Variants in CELF2 observed in about 807,000 individuals in gnomAD.
CELF2 encodes CUG triplet repeat RNA-binding protein 2.
A neutral mutation model predicts 62.6 loss-of-function variants in CELF2; 8 were observed. That is an observed-to-expected ratio of 0.13 (90% CI 0.07 to 0.23). The LOEUF (loss-of-function observed/expected upper bound fraction) is 0.23, where lower values mean the gene tolerates loss of function less well. CELF2 is among the 10% of genes least tolerant of loss of function. The probability of loss-of-function intolerance (pLI) is 1.00; values close to 1 mark genes in which losing one functional copy is unlikely to be tolerated. For missense variants in CELF2, 333 were observed against 671.0 expected (o/e 0.50, Z 5.56); for synonymous variants, 258 against 250.0 (o/e 1.03, Z -0.30).
chr10:11,139,726 CT>C (rs2061000550), intron 1 of CELF2, among the ~76,000 whole-genome samples: 3 of 152,170 alleles, frequency 2.0e-5, no homozygotes, highest in African/African-American at 7.2e-5. Context: ...TACCTACCCC[CT>C]GCTATCTGAT....
the CELF2 span, among the ~76,000 whole-genome samples, chr10:10,587,776 A>G: frequency 2.0e-5 from 3 of 152,070 alleles, no homozygotes; most frequent in Non-Finnish European, 4.4e-5. Flanking sequence ...TCCCCTGGTA[A>G]TTTTACTACT....
intron 3 of CELF2, among the ~76,000 whole-genome samples, chr10:11,228,313 A>G (rs916340797): frequency 2.0e-5 from 3 of 152,214 alleles, no homozygotes; most frequent in African/African-American, 4.8e-5. Flanking sequence ...CAAGAACTTT[A>G]TATATACTTG....
chr10:11,221,051 T>C (rs185515804), intron 3 of CELF2, among the ~76,000 whole-genome samples: 1 of 152,258 alleles, frequency 6.6e-6, no homozygotes, highest in African/African-American at 2.4e-5. Context: ...CACACATCCT[T>C]GAGATGCCTA....
intron 2 of CELF2, among the ~76,000 whole-genome samples, chr10:10,941,958 C>T (rs540670340): frequency 6.9e-6 from 1 of 145,020 alleles, no homozygotes; most frequent in East Asian, 2.1e-4. Flanking sequence ...CACAGCACTT[C>T]ACTCCAGCCT....
At chr10:10,953,937 T>C (rs992461140) in intron 2 of CELF2, among the ~76,000 whole-genome samples, 1 of 151,416 alleles carries the variant, frequency 6.6e-6, no homozygotes, top group Admixed American at 6.6e-5. Context: ...AGTAGACAAA[T>C]AGAGAAAGAG....
intron 1 of CELF2, among the ~76,000 whole-genome samples, chr10:11,026,376 C>T (rs866020235): frequency 2.0e-5 from 3 of 152,188 alleles, no homozygotes; most frequent in Admixed American, 6.5e-5. Flanking sequence ...ACCTACCCGC[C>T]TCCCCCGCCA....
At chr10:10,897,559 C>A (rs2062649537) in intron 1 of CELF2, among the ~76,000 whole-genome samples, 2 of 152,056 alleles carry the variant, frequency 1.3e-5, no homozygotes, top group South Asian at 2.1e-4. Context: ...GACAATGTGG[C>A]CAAGGGTGTG....
intron 1 of CELF2, among the ~76,000 whole-genome samples, chr10:11,088,231 A>G (rs1297940117): frequency 1.3e-5 from 2 of 152,228 alleles, no homozygotes; most frequent in Non-Finnish European, 2.9e-5. Context: ...ATTTGTACCC[A>G]TGGCTATGAG....
intron 1 of CELF2, among the ~76,000 whole-genome samples, chr10:11,083,426 G>A (rs1032892568): frequency 2.5e-4 from 38 of 152,284 alleles, no homozygotes; most frequent in African/African-American, 8.7e-4. Flanking sequence ...CAACCGACTG[G>A]CCTAGGAGTA....
chr10:11,264,485 G>A (rs1001492733), intron 5 of CELF2, among the ~76,000 whole-genome samples: 6 of 152,202 alleles, frequency 3.9e-5, no homozygotes, highest in Admixed American at 1.3e-4. Context: ...CCCAGGCTCC[G>A]CTTGGTTTCA....
chr10:11,277,705 AT>A (rs1262204541), intron 8 of CELF2, among the ~76,000 whole-genome samples: 1 of 152,256 alleles, frequency 6.6e-6, no homozygotes, highest in African/African-American at 2.4e-5. Context: ...GTTGTTGAGG[AT>A]TTGGAGATAG....
the CELF2 span, among the ~76,000 whole-genome samples, chr10:10,592,533 C>T: frequency 6.6e-6 from 1 of 152,160 alleles, no homozygotes; most frequent in East Asian, 1.9e-4. Flanking sequence ...GCTTTGCTGG[C>T]TACTCACGAC....
intron 5 of CELF2, among the ~76,000 whole-genome samples, chr10:11,261,561 C>G (rs2080601661): frequency 1.3e-5 from 2 of 152,194 alleles, no homozygotes; most frequent in South Asian, 4.1e-4. Flanking sequence ...TGGAAAGCAC[C>G]TAACACCTGC....
chr10:10,670,675 T>C, the CELF2 span, among the ~76,000 whole-genome samples: 1 of 152,194 alleles, frequency 6.6e-6, no homozygotes, highest in Non-Finnish European at 1.5e-5. Context: ...GACACATGTA[T>C]AATGACATGT....
chr10:10,677,142 C>A, the CELF2 span, among the ~76,000 whole-genome samples: 2 of 152,270 alleles, frequency 1.3e-5, 1 homozygote, highest in Admixed American at 1.3e-4. Flanking sequence ...CAAGATTATT[C>A]TCTGGGGACA....
At chr10:10,711,485 A>G in the CELF2 span, among the ~76,000 whole-genome samples, 1 of 152,142 alleles carries the variant, frequency 6.6e-6, no homozygotes, top group East Asian at 1.9e-4. Context: ...CCAGTCTCCA[A>G]AGTCCATTCC....
At chr10:11,279,162 C>T (rs2087295448) in intron 8 of CELF2, among the ~76,000 whole-genome samples, 1 of 152,176 alleles carries the variant, frequency 6.6e-6, no homozygotes, top group African/African-American at 2.4e-5. Context: ...TCCAGAGGTT[C>T]TGAAGCTGCG....
At chr10:11,281,702 A>T (rs953484991) in intron 8 of CELF2, among the ~76,000 whole-genome samples, 1 of 152,222 alleles carries the variant, frequency 6.6e-6, no homozygotes, top group Non-Finnish European at 1.5e-5. Flanking sequence ...GCAGTGAGCC[A>T]TAATTTCACT....
At chr10:10,829,452 T>C (rs970735221) in intron 1 of CELF2, among the ~76,000 whole-genome samples, 5 of 152,226 alleles carry the variant, frequency 3.3e-5, no homozygotes, top group Non-Finnish European at 7.3e-5. Context: ...TGATCTATTA[T>C]GTATCTAGAC....
Sources: gnomAD v4.1 joint callset for allele counts (sites outside exome capture counted in the v4.1 genomes callset) on GRCh38, gnomAD v4.1.1 for gene constraint, MANE v1.5 for transcripts, NCBI Gene and HGNC (gene_info 2026-07-23, HGNC 2026-07-21) for gene names.